MGAM2: variants seen among roughly 807,000 people sequenced by gnomAD.
MGAM2 encodes maltase-glucoamylase 2 (putative), also known as probable maltase-glucoamylase 2.
A neutral mutation model predicts 96.1 loss-of-function variants in MGAM2; 98 were observed. The ratio of observed to expected loss-of-function variants is 1.02; its 90% CI spans 0.87 to 1.21. The LOEUF (loss-of-function observed/expected upper bound fraction) is 1.21, where lower values mean the gene tolerates loss of function less well. MGAM2 is among the 50% of genes most tolerant of loss of function. The pLI, the probability that MGAM2 is intolerant of heterozygous loss-of-function variation, is 0.00. For synonymous variants in MGAM2, 749 were observed against 414.8 expected (o/e 1.81, Z -9.79); for missense variants, 2,055 against 1,182.4 (o/e 1.74, Z -10.82).
chr7:142,162,072 T>G, intron 23 of MGAM2, 68 bp downstream of exon 23: 1 of 639,586 alleles, frequency 1.6e-6, no homozygotes, highest in South Asian at 1.8e-5. Flanking sequence ...AGTTTTTAGT[T>G]TAATATAGAC....
intron 45 of MGAM2, among the ~76,000 whole-genome samples, chr7:142,201,220 G>C (rs982501940): frequency 5.3e-5 from 8 of 151,238 alleles, no homozygotes; most frequent in African/African-American, 1.9e-4. Flanking sequence ...TCAGGTGTGT[G>C]GCACAACACC....
In MGAM2 at chr7:142,150,350, G is replaced by A. The variant is rs57753962; in HGVS notation, c.1634+2777G>A. ...TTATGCCTTTTGTGCCCTCACATAC[G>A]ATCAGTCCTTGATCCTTTTGATGTT... is the stretch of plus-strand genomic sequence containing the variant. On this transcript the variant is annotated intron_variant, in intron 15 of 47. Coordinates refer to ENST00000477922, the MANE Select transcript of MGAM2 (RefSeq NM_001293626.2). Among the ~76,000 whole-genome samples the A allele has an allele frequency of 9.6e-3, 1,455 of 152,152 alleles. 21 individuals carry two copies. The highest frequency in any genetic ancestry group is 0.03 in the East Asian group (157 of 5,164).
chr7:142,113,944 C>G (rs71337545), intron 1 of MGAM2, among the ~76,000 whole-genome samples: 2 of 151,918 alleles, frequency 1.3e-5, no homozygotes, highest in South Asian at 4.2e-4. Context: ...CCAACCTGGC[C>G]AACATGGTGA....
chr7:142,155,222 A>C (rs566099197), intron 17 of MGAM2, among the ~76,000 whole-genome samples: 2 of 152,316 alleles, frequency 1.3e-5, no homozygotes, highest in Admixed American at 1.3e-4. Flanking sequence ...AAAGAATTTA[A>C]AGAGGCTTAG....
chr7:142,153,029 T>C (rs2129084189), intron 15 of MGAM2, among the ~76,000 whole-genome samples: 1 of 147,954 alleles, frequency 6.8e-6, no homozygotes, highest in Admixed American at 6.9e-5. Context: ...AGAGCCTTGC[T>C]CTGTCGCCCA....
intron 4 of MGAM2, 145 bp downstream of exon 4, chr7:142,131,216 G>C (rs1794878101): frequency 1.6e-6 from 1 of 612,214 alleles, no homozygotes; most frequent in South Asian, 1.9e-5. Context: ...GACGTGGGTG[G>C]ATCATGAGGT....
chr7:142,135,723 TACACAC>T (rs144830276), intron 7 of MGAM2, among the ~76,000 whole-genome samples: 22 of 145,208 alleles, frequency 1.5e-4, no homozygotes, highest in East Asian at 4.1e-4. Flanking sequence ...CACTTAGAGT[TACACAC>T]ACACACACAC....
At chr7:142,158,757 C>T (rs924089600) in intron 19 of MGAM2, among the ~76,000 whole-genome samples, 1 of 152,152 alleles carries the variant, frequency 6.6e-6, no homozygotes, top group African/African-American at 2.4e-5. Flanking sequence ...GAAGGCGATG[C>T]TCTGAAGTCC....
At chr7:142,133,208 A>T (rs1357005275) in intron 6 of MGAM2, among the ~76,000 whole-genome samples, 1 of 142,590 alleles carries the variant, frequency 7.0e-6, no homozygotes, top group Admixed American at 7.1e-5. Context: ...AAATATAAAT[A>T]TATAAATATA....
At position 142,218,532 on chromosome 7, in the gene MGAM2, G is replaced by A. The variant is rs773766688; in HGVS notation, c.5358+1G>A. On this transcript the variant is annotated splice_donor_variant, in intron 47 of 47. Transcript: ENST00000477922. LOFTEE classifies it high-confidence loss of function. Reference sequence around the variant, plus strand: ...TTTCAAGAGTGAACCTTATAATCAGGTAGGTCTGAAAGGAATATTAGCATA... The same window carrying A: ...TTTCAAGAGTGAACCTTATAATCAGATAGGTCTGAAAGGAATATTAGCATA... 5 of 689,600 alleles carry A rather than the reference G, an allele frequency of 7.3e-6. No homozygotes were observed. Among genetic ancestry groups the A allele is most frequent in the Non-Finnish European group, 1.3e-5 (5 of 378,686 alleles). 42.7% of individuals were successfully genotyped at this position (689,600 alleles called of 1,614,324 possible).
At chr7:142,142,523 T>C (rs1795258941) in intron 12 of MGAM2, among the ~76,000 whole-genome samples, 1 of 142,426 alleles carries the variant, frequency 7.0e-6, no homozygotes, top group African/African-American at 2.7e-5. Flanking sequence ...TAGTGGTGTG[T>C]GTTTTTTTTT....
At chr7:142,202,657 T>A (rs1355288038) in intron 45 of MGAM2, among the ~76,000 whole-genome samples, 1 of 152,368 alleles carries the variant, frequency 6.6e-6, no homozygotes, top group Non-Finnish European at 1.5e-5. Context: ...TTCATTCTTT[T>A]TTATGGCTGT....
At chr7:142,149,259 G>A (rs1339631766) in intron 15 of MGAM2, among the ~76,000 whole-genome samples, 1 of 151,554 alleles carries the variant, frequency 6.6e-6, no homozygotes, top group Non-Finnish European at 1.5e-5. Context: ...ATACTTCTCT[G>A]CCTGGTGCCT....
intron 3 of MGAM2, among the ~76,000 whole-genome samples, chr7:142,124,424 A>C (rs1350318835): frequency 6.6e-6 from 1 of 152,060 alleles, no homozygotes; most frequent in African/African-American, 2.4e-5. Context: ...TTGAGTTACT[A>C]GTTTGTTCTT....
At position 142,158,190 on chromosome 7, in the gene MGAM2, G is replaced by A. The variant is rs75524275; in HGVS notation, c.2079-58G>A. On this transcript the variant is annotated intron_variant, in intron 18 of 47. Coordinates refer to ENST00000477922, the MANE Select transcript of MGAM2 (RefSeq NM_001293626.2). Reference sequence around the variant, plus strand: ...AGTTAGGATCTTGTTGTTACATAATGTGCCATTGTCCTGTATTAGAGACTT... The same window carrying A: ...AGTTAGGATCTTGTTGTTACATAATATGCCATTGTCCTGTATTAGAGACTT... The A allele has an allele frequency of 3.9e-3, 2,760 of 701,206 alleles. 54 individuals are homozygous for A. The African/African-American group carries it at 0.042, about 11-fold the overall frequency. The allele number at this position is 701,206 out of a possible 1,614,324, so 43.4% of individuals were successfully genotyped here.
chr7:142,114,216 G>GAAAGAGAGAGAGAA lies in MGAM2; in HGVS notation c.-1+2410_-1+2411insAAGAGAGAGAGAAA, dbSNP rs1554499599. Among the ~76,000 whole-genome samples, 193 of 67,994 alleles carry GAAAGAGAGAGAGAA rather than the reference G, an allele frequency of 2.8e-3. 3 individuals are homozygous for GAAAGAGAGAGAGAA. Among genetic ancestry groups the GAAAGAGAGAGAGAA allele is most frequent in the African/African-American group, 0.014 (180 of 13,272 alleles). The allele number at this position is 67,994 out of a possible 152,430, so 44.6% of individuals were successfully genotyped here. A position where few individuals can be genotyped will look rare whatever the true frequency, so the allele number is the denominator to read the frequency against. ...AAAGAAAGAAAGAAAGAAAGAAAGA[G>GAAAGAGAGAGAGAA]AGAAAGAAAGAAAGAAATAGGAGAC... On this transcript the variant is annotated intron_variant, in intron 1 of 47. Transcript: ENST00000477922.
At position 142,180,197 on chromosome 7, in the gene MGAM2, G is replaced by A. The variant is rs557233915; in HGVS notation, c.3817-3069G>A. ...ATTCTGTATATTTGTGTGATTGGGT[G>A]TAATGTCATCTTTGTCATTTATGAT... On this transcript the variant is annotated intron_variant, in intron 32 of 47. Transcript: ENST00000477922. Among the ~76,000 whole-genome samples the A allele has an allele frequency of 4.3e-4, 65 of 152,198 alleles. 3 individuals are homozygous for A. Among genetic ancestry groups the A allele is most frequent in the African/African-American group, 1.5e-3 (64 of 41,534 alleles).
intron 17 of MGAM2, among the ~76,000 whole-genome samples, chr7:142,156,675 T>G (rs1795745223): frequency 6.6e-6 from 1 of 152,130 alleles, no homozygotes; most frequent in Non-Finnish European, 1.5e-5. Context: ...ATGTTTGGCC[T>G]CAGAGTTTTC....
At position 142,186,038 on chromosome 7, in the gene MGAM2, C is replaced by T; in HGVS notation, c.4037C>T (p.Ala1346Val). ...AFPDFFRNST[A>V]AWWKKEIEEL... Reference sequence around the variant, plus strand: ...CCTGACTTCTTTCGTAATAGCACAGCTGCGTGGTGGAAGAAAGAGATAGAA... The same window carrying T: ...CCTGACTTCTTTCGTAATAGCACAGTTGCGTGGTGGAAGAAAGAGATAGAA... The change falls in exon 35 of 48, where the codon GCT becomes GTT. Residue 1346 changes from alanine (A) to valine (V), a missense_variant. Transcript: ENST00000477922. The T allele has an allele frequency of 1.4e-6, 1 of 704,704 alleles. No homozygotes were observed. The highest frequency in any genetic ancestry group is 2.6e-6 in the Non-Finnish European group (1 of 385,090). 43.7% of individuals were successfully genotyped at this position (704,704 alleles called of 1,614,324 possible). A position where few individuals can be genotyped will look rare whatever the true frequency, so the allele number is the denominator to read the frequency against.
Sources: gnomAD v4.1 joint callset for allele counts (sites outside exome capture counted in the v4.1 genomes callset) on GRCh38, gnomAD v4.1.1 for gene constraint, MANE v1.5 for transcripts, NCBI Gene and HGNC (gene_info 2026-07-23, HGNC 2026-07-21) for gene names.